The following HSD17B4 variants were observed in gnomAD, a reference collection of about 807,000 sequenced individuals.
The protein encoded by HSD17B4 is peroxisomal multifunctional enzyme type 2.
In HSD17B4, 70 loss-of-function variants were observed where a neutral mutation model predicts 101.0. The ratio of observed to expected loss-of-function variants is 0.69; its 90% confidence interval spans 0.57 to 0.85. HSD17B4 has a LOEUF of 0.85. Ranked by LOEUF, HSD17B4 falls within the 40% of genes least tolerant of loss-of-function variation. The probability of loss-of-function intolerance (pLI) is 0.00; values close to 1 mark genes in which losing one functional copy is unlikely to be tolerated. For synonymous variants in HSD17B4, 347 were observed against 297.1 expected, an observed-to-expected ratio of 1.17 and a Z score of -1.73; for missense variants, 984 against 892.4, an observed-to-expected ratio of 1.10 and a Z score of -1.31.
intron 1 of HSD17B4, among the ~76,000 whole-genome samples, chr5:119,455,622 T>C (rs555382649): frequency 4.9e-4 from 75 of 151,556 alleles, no homozygotes; most frequent in African/African-American, 1.6e-3. Context: ...CCTTGTAGCT[T>C]TGAGTCAGAA....
At chr5:119,464,512 A>T (rs1344035997) in intron 2 of HSD17B4, 3 of 151,882 alleles carry the variant, frequency 2.0e-5, no homozygotes, top group Admixed American at 2.0e-4. Context: ...GCATGGATTT[A>T]TTTCTGTGTT....
chr5:119,476,554 C>A, intron 6 of HSD17B4: 1 of 985,086 alleles, frequency 1.0e-6, no homozygotes, highest in South Asian at 4.7e-5. Context: ...TAGTGCCTGA[C>A]TGTCTTTTGG....
chr5:119,466,136 A>G (rs1755785601), intron 2 of HSD17B4, among the ~76,000 whole-genome samples: 1 of 152,202 alleles, frequency 6.6e-6, no homozygotes, highest in South Asian at 2.1e-4. Flanking sequence ...ACACATAACC[A>G]TCGTTACATC....
At chr5:119,468,143 G>T (rs1755998934) in intron 2 of HSD17B4, among the ~76,000 whole-genome samples, 1 of 151,948 alleles carries the variant, frequency 6.6e-6, no homozygotes, top group Non-Finnish European at 1.5e-5. Context: ...CAGTTTGGTG[G>T]TTTTTTTGTA....
chr5:119,510,011 C>A (rs1752028413), intron 16 of HSD17B4, among the ~76,000 whole-genome samples: 1 of 152,196 alleles, frequency 6.6e-6, no homozygotes, highest in South Asian at 2.1e-4. Flanking sequence ...TGCTCCCAAG[C>A]TGCACATTGT....
intron 2 of HSD17B4, among the ~76,000 whole-genome samples, chr5:119,470,643 C>T (rs1756272941): frequency 6.6e-6 from 1 of 152,212 alleles, no homozygotes; most frequent in South Asian, 2.1e-4. Flanking sequence ...ACTTCCCCCT[C>T]TAAGCTGCCA....
chr5:119,526,695 C>G (rs547177379), intron 19 of HSD17B4, among the ~76,000 whole-genome samples: 1 of 151,634 alleles, frequency 6.6e-6, no homozygotes. Flanking sequence ...TTTTATTATC[C>G]AGTAATATAT....
intron 14 of HSD17B4, among the ~76,000 whole-genome samples, chr5:119,505,959 C>G (rs540176993): frequency 6.6e-6 from 1 of 152,062 alleles, no homozygotes; most frequent in Admixed American, 6.6e-5. Flanking sequence ...TTTAGCGATT[C>G]CGGTATTCTG....
intron 2 of HSD17B4, among the ~76,000 whole-genome samples, chr5:119,462,597 G>A (rs1031603418): frequency 5.3e-5 from 8 of 150,106 alleles, no homozygotes; most frequent in Admixed American, 4.6e-4. Context: ...TTAGCTATAC[G>A]TTTAAGTGGT....
intron 22 of HSD17B4, among the ~76,000 whole-genome samples, chr5:119,533,858 G>T (rs1009000265): frequency 6.6e-6 from 1 of 152,028 alleles, no homozygotes; most frequent in Non-Finnish European, 1.5e-5. Flanking sequence ...TCACTTTATG[G>T]AATAATGGTT....
At chr5:119,474,378 A>C in intron 3 of HSD17B4, 23 bp from the exon 4 acceptor site, 1 of 1,562,262 alleles carries the variant, frequency 6.4e-7, no homozygotes, top group Non-Finnish European at 8.8e-7. Flanking sequence ...CCGAAATTTC[A>C]TACAAATTTT....
intron 2 of HSD17B4, among the ~76,000 whole-genome samples, chr5:119,471,182 G>T (rs910330841): frequency 5.9e-5 from 9 of 152,056 alleles, no homozygotes; most frequent in African/African-American, 2.2e-4. Context: ...TTAACTGGTT[G>T]TTTCCTGTCA....
chr5:119,542,157 C>G lies in HSD17B4; in HGVS notation c.*163C>G, dbSNP rs1191963189. On this transcript the variant is annotated 3_prime_UTR_variant, in exon 24 of 24. Transcript: ENST00000510025. ...AGATTTTCATTTTCTACTAATTTTT[C>G]ATGTATCATTATTTTTACAAGGAAC... is the stretch of plus-strand genomic sequence containing the variant. 1.6e-5 allele frequency: 10 copies of G among 619,212 alleles called. No homozygotes were observed. Among genetic ancestry groups the G allele is most frequent in the Non-Finnish European group, 2.6e-5 (9 of 339,972 alleles). 38.4% of individuals were successfully genotyped at this position (619,212 alleles called of 1,614,324 possible).
chr5:119,481,437 T>G (rs1486216880), intron 8 of HSD17B4, among the ~76,000 whole-genome samples: 1 of 152,200 alleles, frequency 6.6e-6, no homozygotes, highest in African/African-American at 2.4e-5. Flanking sequence ...GGTGGCTTTT[T>G]TCTTTCAACA....
chr5:119,507,782 C>A (rs32661), intron 15 of HSD17B4, among the ~76,000 whole-genome samples: 2 of 144,372 alleles, frequency 1.4e-5, no homozygotes, highest in African/African-American at 2.6e-5. Flanking sequence ...AGACTCTGTA[C>A]CAAAAAAAAA....
intron 18 of HSD17B4, chr5:119,525,617 G>T: frequency 1.9e-6 from 1 of 518,100 alleles, no homozygotes; most frequent in South Asian, 2.1e-5. Context: ...ATGTACCTGT[G>T]TGGATGTTGA....
chr5:119,506,791 C>T (rs771262645), intron 14 of HSD17B4, 27 bp from the exon 15 acceptor site: 2 of 1,288,692 alleles, frequency 1.6e-6, no homozygotes, highest in East Asian at 2.3e-5. Context: ...TTTTAAGACA[C>T]TGTATTTCTT....
intron 23 of HSD17B4, among the ~76,000 whole-genome samples, chr5:119,540,760 C>T (rs971396396): frequency 2.0e-5 from 3 of 152,142 alleles, no homozygotes; most frequent in African/African-American, 7.2e-5. Context: ...AAGTGCTGCT[C>T]GTTAACAAGT....
At chr5:119,455,954 A>C (rs1050832110) in intron 1 of HSD17B4, among the ~76,000 whole-genome samples, 2 of 152,078 alleles carry the variant, frequency 1.3e-5, no homozygotes, top group African/African-American at 2.4e-5. Flanking sequence ...CTTTCAAGAA[A>C]ACTAGCTTCT....
Sources: gnomAD v4.1 joint callset for allele counts (sites outside exome capture counted in the v4.1 genomes callset) on GRCh38, gnomAD v4.1.1 for gene constraint, MANE v1.5 for transcripts, NCBI Gene and HGNC (gene_info 2026-07-23, HGNC 2026-07-21) for gene names.